The following NANOS3 variants were observed in gnomAD, a reference collection of about 807,000 sequenced individuals.
NANOS3 encodes nanos C2HC-type zinc finger 3.
In NANOS3, 11 loss-of-function variants were observed where a neutral mutation model predicts 13.8. That is an observed-to-expected ratio of 0.80 (90% CI 0.50 to 1.32). NANOS3 has a LOEUF of 1.32. NANOS3 is among the 40% of genes most tolerant of loss of function. The pLI is 0.00. For missense variants in NANOS3, 221 were observed against 263.8 expected (o/e 0.84, Z 1.12); for synonymous variants, 119 against 115.4 (o/e 1.03, Z -0.20).
upstream of NANOS3, chr19:13,874,987 G>A: frequency 1.9e-6 from 1 of 521,128 alleles, no homozygotes; most frequent in Non-Finnish European, 4.0e-6. Flanking sequence ...GGCTGGGCCA[G>A]ACACGGCTTA....
upstream of NANOS3, chr19:13,865,349 T>C (rs1038077669): frequency 1.4e-5 from 2 of 138,134 alleles, no homozygotes; most frequent in African/African-American, 2.6e-5. Context: ...CGAAATGCAA[T>C]TTCCCGTGCA....
chr19:13,867,629 A>G (rs1453868428), intron 1 of NANOS3, among the ~76,000 whole-genome samples: 1 of 151,794 alleles, frequency 6.6e-6, no homozygotes, highest in Admixed American at 6.6e-5. Context: ...TGGCACGATC[A>G]TAGCTCACAG....
At chr19:13,862,791 C>G (rs1203404547), upstream of NANOS3, among the ~76,000 whole-genome samples, 2 of 152,234 alleles carry the variant, frequency 1.3e-5, no homozygotes, top group African/African-American at 4.8e-5. Context: ...CCCGCCTCGG[C>G]CTCCCAAAAT....
chr19:13,866,113 T>C, intron 1 of NANOS3, among the ~76,000 whole-genome samples: 1 of 152,086 alleles, frequency 6.6e-6, no homozygotes, highest in African/African-American at 2.4e-5. Context: ...CGGCAGCAGC[T>C]GCAGGGTATT....
chr19:13,870,200 C>T (rs146794962), intron 1 of NANOS3, among the ~76,000 whole-genome samples: 88 of 152,230 alleles, frequency 5.8e-4, no homozygotes, highest in African/African-American at 2.1e-3. Flanking sequence ...CCACCTCAGC[C>T]TCCCAAATAG....
At chr19:13,874,892 A>G (rs547432640), upstream of NANOS3, 1 of 525,692 alleles carries the variant, frequency 1.9e-6, no homozygotes, top group Admixed American at 2.0e-5. Flanking sequence ...CCCCTAGGCC[A>G]CAGCCGAGGT....
At chr19:13,864,593 C>A (rs1426891610), upstream of NANOS3, among the ~76,000 whole-genome samples, 1 of 151,990 alleles carries the variant, frequency 6.6e-6, no homozygotes, top group Non-Finnish European at 1.5e-5. Flanking sequence ...TCACGGTGCT[C>A]CTGTGGCTGT....
intron 1 of NANOS3, among the ~76,000 whole-genome samples, chr19:13,871,101 G>T (rs1341598143): frequency 2.0e-5 from 3 of 152,066 alleles, no homozygotes; most frequent in Non-Finnish European, 4.4e-5. Flanking sequence ...CACTCTGAGG[G>T]ACTTCAAAGT....
upstream of NANOS3, chr19:13,874,878 C>T (rs1361037817): frequency 5.7e-6 from 3 of 524,516 alleles, no homozygotes; most frequent in African/African-American, 1.9e-5. Context: ...TGGGCACGTC[C>T]CCTCCCCTAG....
chr19:13,867,007 G>A (rs1976252005), intron 1 of NANOS3, among the ~76,000 whole-genome samples: 1 of 152,178 alleles, frequency 6.6e-6, no homozygotes, highest in Admixed American at 6.5e-5. Flanking sequence ...TGGCTGCCCA[G>A]GTTGGAATGC....
chr19:13,863,218 C>CT (rs780260657), upstream of NANOS3, among the ~76,000 whole-genome samples: 4 of 151,800 alleles, frequency 2.6e-5, no homozygotes, highest in Non-Finnish European at 4.4e-5. Context: ...CCAATACGCT[C>CT]TTTTTTTTAG....
intron 1 of NANOS3, 82 bp from the exon 2 acceptor site, chr19:13,880,360 C>G: frequency 1.5e-6 from 2 of 1,357,212 alleles, no homozygotes; most frequent in Non-Finnish European, 2.1e-6. Flanking sequence ...CCAGCAGGCC[C>G]GGAGGCCGAG....
chr19:13,862,422 G>C (rs556717800), upstream of NANOS3, among the ~76,000 whole-genome samples: 14 of 152,198 alleles, frequency 9.2e-5, no homozygotes, highest in Non-Finnish European at 1.5e-5. Context: ...GCTGGACTCT[G>C]CTGCCCCCTG....
rs377309829 is a variant in NANOS3, at chr19:13,870,224, C to T, written n.21+4787C>T. Reference sequence around the variant, plus strand: ...CCTCCCAAATAGCTGGGACTACAGGCGCACACCACCACACCCGGCTAAGTT... The same window carrying T: ...CCTCCCAAATAGCTGGGACTACAGGTGCACACCACCACACCCGGCTAAGTT... On this transcript the variant is annotated intron_variant and non_coding_transcript_variant, in intron 1 of 2. Transcript: ENST00000591161. Among the ~76,000 whole-genome samples the T allele has an allele frequency of 4.0e-4, 61 of 151,854 alleles. No individual in the cohort carries two copies. In the East Asian group the frequency reaches 0.011, roughly 28 times the overall value.
At chr19:13,874,158 T>TG (rs1968458801), upstream of NANOS3, among the ~76,000 whole-genome samples, 1 of 152,102 alleles carries the variant, frequency 6.6e-6, no homozygotes, top group African/African-American at 2.4e-5. Context: ...AGTGCACTTG[T>TG]AAAGTGGAGA....
intron 1 of NANOS3, among the ~76,000 whole-genome samples, chr19:13,869,571 C>A (rs1976292831): frequency 1.3e-5 from 2 of 151,956 alleles, no homozygotes; most frequent in South Asian, 4.1e-4. Flanking sequence ...AACCTCAGAG[C>A]CCACGCAGGT....
upstream of NANOS3, among the ~76,000 whole-genome samples, chr19:13,863,999 C>T (rs1369510420): frequency 1.3e-5 from 2 of 152,096 alleles, no homozygotes; most frequent in Non-Finnish European, 2.9e-5. Flanking sequence ...TTCTCCATCC[C>T]CCTCTCAGAC....
At chr19:13,862,422 G>A (rs556717800), upstream of NANOS3, among the ~76,000 whole-genome samples, 1 of 152,316 alleles carries the variant, frequency 6.6e-6, no homozygotes, top group East Asian at 1.9e-4. Context: ...GCTGGACTCT[G>A]CTGCCCCCTG....
chr19:13,877,815 C>T, intron 1 of NANOS3, 50 bp downstream of exon 1: 5 of 1,508,456 alleles, frequency 3.3e-6, no homozygotes, highest in East Asian at 2.5e-5. Context: ...AGTGGCTGAG[C>T]CCCCCTGTGA....
Sources: gnomAD v4.1 joint callset for allele counts (sites outside exome capture counted in the v4.1 genomes callset) on GRCh38, gnomAD v4.1.1 for gene constraint, MANE v1.5 for transcripts, NCBI Gene and HGNC (gene_info 2026-07-23, HGNC 2026-07-21) for gene names.